The following IL1RAPL2 variants were observed in gnomAD, a reference collection of about 807,000 sequenced individuals.
IL1RAPL2 encodes X-linked interleukin-1 receptor accessory protein-like 2.
A neutral mutation model predicts 44.1 loss-of-function variants in IL1RAPL2; 3 were observed. That is an observed-to-expected ratio of 0.07 (90% CI 0.03 to 0.18). IL1RAPL2 has a LOEUF of 0.18. Ranked by LOEUF, IL1RAPL2 falls within the 10% of genes least tolerant of loss-of-function variation. The pLI, the probability that IL1RAPL2 is intolerant of heterozygous loss-of-function variation, is 1.00. For synonymous variants in IL1RAPL2, 181 were observed against 178.8 expected, an observed-to-expected ratio of 1.01 and a Z score of -0.10; for missense variants, 391 against 496.4, an observed-to-expected ratio of 0.79 and a Z score of 2.02.
At chrX:104,680,334 A>C (rs1248094602) in intron 2 of IL1RAPL2, among the ~76,000 whole-genome samples, 1 of 111,667 alleles carries the variant, frequency 9.0e-6, no homozygotes, top group East Asian at 2.8e-4. Flanking sequence ...AACCCCCCTG[A>C]AACTGTATGC....
At chrX:105,544,777 CTTTTT>C (rs778623366) in intron 6 of IL1RAPL2, among the ~76,000 whole-genome samples, 4 of 110,661 alleles carry the variant, frequency 3.6e-5, no homozygotes, top group African/African-American at 1.3e-4. Flanking sequence ...TTCTTTCTTT[CTTTTT>C]TGATTGTTGT....
intron 2 of IL1RAPL2, among the ~76,000 whole-genome samples, chrX:104,688,497 C>G (rs1253057622): frequency 9.0e-6 from 1 of 111,429 alleles, no homozygotes. Context: ...TGATCCTACA[C>G]CCCCAACGCT....
intron 6 of IL1RAPL2, among the ~76,000 whole-genome samples, chrX:105,513,103 C>G (rs1464403268): frequency 9.0e-6 from 1 of 111,143 alleles, no homozygotes; most frequent in Non-Finnish European, 1.9e-5. Context: ...TGAACTCATC[C>G]TTTTTTATGG....
At chrX:105,555,333 C>T (rs1462217957) in intron 6 of IL1RAPL2, among the ~76,000 whole-genome samples, 5 of 111,303 alleles carry the variant, frequency 4.5e-5, no homozygotes, top group African/African-American at 1.6e-4. Flanking sequence ...AAAATGACTC[C>T]AGGTGGAAAG....
At chrX:105,359,735 A>C (rs2035233832) in intron 5 of IL1RAPL2, among the ~76,000 whole-genome samples, 1 of 104,313 alleles carries the variant, frequency 9.6e-6, no homozygotes, top group Non-Finnish European at 2.0e-5. Context: ...TAGTTGTCTC[A>C]GAAATTAACT....
intron 2 of IL1RAPL2, among the ~76,000 whole-genome samples, chrX:105,128,999 C>G (rs2033002244): frequency 9.0e-6 from 1 of 111,181 alleles, no homozygotes; most frequent in African/African-American, 3.3e-5. Flanking sequence ...TGCCAAACAT[C>G]TAAATTTTTT....
chrX:105,686,665 G>A (rs1220553311), intron 6 of IL1RAPL2, among the ~76,000 whole-genome samples: 4 of 111,110 alleles, frequency 3.6e-5, no homozygotes, highest in African/African-American at 9.8e-5. Context: ...ACAGATCAAC[G>A]AGACAGAATG....
At chrX:104,644,600 T>G (rs1305660014) in intron 1 of IL1RAPL2, among the ~76,000 whole-genome samples, 1 of 111,286 alleles carries the variant, frequency 9.0e-6, no homozygotes, top group Non-Finnish European at 1.9e-5. Flanking sequence ...CCTTGTGTTT[T>G]CTTTCTTTTC....
At chrX:105,688,806 T>C (rs774833457) in intron 6 of IL1RAPL2, among the ~76,000 whole-genome samples, 6 of 111,921 alleles carry the variant, frequency 5.4e-5, no homozygotes, top group Non-Finnish European at 1.1e-4. Flanking sequence ...GGTATCACGC[T>C]ACCTGACTTC....
intron 2 of IL1RAPL2, among the ~76,000 whole-genome samples, chrX:104,728,204 AAG>A (rs1308188396): frequency 8.9e-6 from 1 of 111,928 alleles, no homozygotes. Context: ...AATATCATAA[AAG>A]AGTGTGAGCA....
intron 2 of IL1RAPL2, among the ~76,000 whole-genome samples, chrX:104,964,165 A>G (rs2147717573): frequency 9.0e-6 from 1 of 110,981 alleles, no homozygotes; most frequent in East Asian, 2.8e-4. Flanking sequence ...TTCCTAAACA[A>G]AAGCTTCAGA....
chrX:105,371,858 C>G (rs767080869), intron 5 of IL1RAPL2, among the ~76,000 whole-genome samples: 2 of 111,310 alleles, frequency 1.8e-5, no homozygotes, highest in Non-Finnish European at 3.8e-5. Flanking sequence ...GTAGACTAGT[C>G]TAGACTAGGA....
Position 104,585,345 on chromosome X carries a change from A to ATATATTATATAATATATAT in IL1RAPL2, c.-20+18299_-20+18300insTATATAATATATATTATAT, listed in dbSNP as rs1928524406. Among the ~76,000 whole-genome samples the ATATATTATATAATATATAT allele has an allele frequency of 1.6e-3, 19 of 11,976 alleles. 1 individual carries two copies. Among genetic ancestry groups the ATATATTATATAATATATAT allele is most frequent in the African/African-American group, 0.015 (16 of 1,099 alleles). 10.4% of individuals were successfully genotyped at this position (11,976 alleles called of 115,157 possible). The stretch of plus-strand genomic sequence containing the variant: ...TTATATATAATATATATTATATATT[A>ATATATTATATAATATATAT]TATATATTATATATATTATATATAT... On this transcript the variant is annotated intron_variant, in intron 1 of 10. Transcript: ENST00000372582.
intron 2 of IL1RAPL2, among the ~76,000 whole-genome samples, chrX:105,027,966 G>A (rs1201490563): frequency 1.8e-5 from 2 of 111,706 alleles, no homozygotes; most frequent in Non-Finnish European, 3.8e-5. Context: ...AGAAAATGTG[G>A]CACATATACA....
chrX:105,367,033 C>G (rs1364347569), intron 5 of IL1RAPL2, among the ~76,000 whole-genome samples: 1 of 111,597 alleles, frequency 9.0e-6, no homozygotes. Flanking sequence ...TATATACTTG[C>G]AATTGTTATG....
At chrX:105,644,177 C>T (rs1383672045) in intron 6 of IL1RAPL2, among the ~76,000 whole-genome samples, 1 of 111,764 alleles carries the variant, frequency 8.9e-6, no homozygotes, top group East Asian at 2.8e-4. Context: ...AGGCGTGAGC[C>T]ACTGAGTCTG....
chrX:104,810,286 G>T (rs1932964951), intron 2 of IL1RAPL2, among the ~76,000 whole-genome samples: 1 of 110,485 alleles, frequency 9.1e-6, no homozygotes, highest in African/African-American at 3.3e-5. Context: ...AAGGGGGAGG[G>T]ATAGCTTTAG....
At chrX:104,735,210 C>T (rs1183496870) in intron 2 of IL1RAPL2, among the ~76,000 whole-genome samples, 1 of 111,328 alleles carries the variant, frequency 9.0e-6, no homozygotes, top group Non-Finnish European at 1.9e-5. Context: ...TATAAGGTGG[C>T]TCTCAATGGA....
intron 1 of IL1RAPL2, among the ~76,000 whole-genome samples, chrX:104,654,058 C>T (rs1199601589): frequency 9.1e-6 from 1 of 110,387 alleles, no homozygotes; most frequent in Non-Finnish European, 1.9e-5. Context: ...AATTTCCCCC[C>T]CACCCCCAAT....
Sources: allele counts gnomAD v4.1 joint callset (sites outside exome capture counted in the v4.1 genomes callset), GRCh38; gene constraint gnomAD v4.1.1; transcripts MANE v1.5; gene names NCBI Gene and HGNC (gene_info 2026-07-23, HGNC 2026-07-21).